Variants in CABIN1 observed in about 807,000 individuals in gnomAD.
CABIN1 encodes calcineurin binding protein 1.
A neutral mutation model predicts 227.7 loss-of-function variants in CABIN1; 133 were observed. That is an observed-to-expected ratio of 0.58 (90% CI 0.51 to 0.67). The LOEUF is 0.67. CABIN1 is among the 30% of genes least tolerant of loss of function. The probability of loss-of-function intolerance (pLI) is 0.00; values close to 1 mark genes in which losing one functional copy is unlikely to be tolerated. For synonymous variants in CABIN1, 1,086 were observed against 1,155.1 expected (o/e 0.94, Z 1.21); for missense variants, 2,408 against 2,852.5 (o/e 0.84, Z 3.55).
intron 15 of CABIN1, among the ~76,000 whole-genome samples, chr22:24,064,517 T>TTG (rs1555924899): frequency 1.3e-5 from 2 of 148,816 alleles, no homozygotes; most frequent in African/African-American, 5.0e-5. Flanking sequence ...GAAAGGTTTT[T>TTG]TTTTTTTTTT....
At chr22:24,039,972 C>T (rs1468812258) in intron 4 of CABIN1, among the ~76,000 whole-genome samples, 2 of 152,212 alleles carry the variant, frequency 1.3e-5, no homozygotes, top group African/African-American at 2.4e-5. Flanking sequence ...GGGACTTGCT[C>T]GGGCAAGCCT....
At chr22:24,023,405 G>A (rs527333632) in intron 1 of CABIN1, among the ~76,000 whole-genome samples, 9 of 152,286 alleles carry the variant, frequency 5.9e-5, no homozygotes, top group African/African-American at 1.9e-4. Flanking sequence ...AAACCTGAGT[G>A]GAATTGCTGG....
chr22:24,078,894 T>C (rs2040615621), intron 19 of CABIN1, among the ~76,000 whole-genome samples: 1 of 152,256 alleles, frequency 6.6e-6, no homozygotes, highest in Non-Finnish European at 1.5e-5. Context: ...TACCTAATTA[T>C]GTATCTGTAT....
intron 17 of CABIN1, among the ~76,000 whole-genome samples, chr22:24,071,503 C>T (rs572639844): frequency 6.6e-6 from 1 of 152,160 alleles, no homozygotes; most frequent in Non-Finnish European, 1.5e-5. Context: ...GGGCTCTCTC[C>T]TCAATTCCCG....
rs201400701 is a variant in CABIN1 at position 24,119,614 on chromosome 22, C to T, written c.4548C>T (p.Phe1516=). 6.2e-7 allele frequency: 1 copy of T among 1,613,764 alleles called. No homozygotes were observed. Among genetic ancestry groups the T allele is most frequent in the Non-Finnish European group, 8.5e-7 (1 of 1,179,916 alleles). Residue 1516 remains phenylalanine, a synonymous_variant, in exon 28 of 37, where the codon TTC becomes TTT. Transcript: ENST00000263119. ...TCACAGAGCAGTGCATCGCCTCCTTCCGCCTGTGCCTGAGCCGCTTCCCCC... is the reference window on the plus strand; with the variant it reads ...TCACAGAGCAGTGCATCGCCTCCTTTCGCCTGTGCCTGAGCCGCTTCCCCC... ...QFLTEQCIAS[F]RLCLSRFPQH... is the part of the protein sequence containing the mutation.
chr22:24,091,983 C>A, intron 24 of CABIN1, 140 bp downstream of exon 24: 1 of 954,310 alleles, frequency 1.0e-6, no homozygotes, highest in Non-Finnish European at 1.6e-6. Flanking sequence ...GCTTCATGTG[C>A]AATTGAATTA....
In CABIN1 at chr22:24,177,606, C is replaced by A; in HGVS notation, c.6308C>A (p.Ala2103Asp). Residue 2103 changes from alanine (A) to aspartate (D), a missense_variant, in exon 36 of 37, where the codon GCC becomes GAC. By Grantham distance (126) the Ala-to-Asp change is moderately radical (BLOSUM62 -2). Transcript: ENST00000263119. The surrounding 1 kb of genome is among the most constrained non-coding windows in gnomAD (Gnocchi z 4.4). ...SSPPTAASSKAPSSGSAQPPE... is the reference protein window; with the variant it reads ...SSPPTAASSKDPSSGSAQPPE... The stretch of plus-strand genomic sequence containing the variant: ...CCCCCAACAGCTGCCAGCTCCAAGG[C>A]CCCCAGCAGTGGGAGTGCCCAGCCA... 6.2e-7 allele frequency: 1 copy of A among 1,611,816 alleles called. No homozygotes were observed. Among genetic ancestry groups the A allele is most frequent in the Non-Finnish European group, 8.5e-7 (1 of 1,178,720 alleles).
chr22:24,144,438 C>T (rs186758379), intron 29 of CABIN1, among the ~76,000 whole-genome samples: 34 of 152,342 alleles, frequency 2.2e-4, no homozygotes, highest in South Asian at 4.1e-4. Flanking sequence ...TGTCATCTTC[C>T]ACTAAGCCAT....
chr22:24,139,394 C>T (rs1008444445), intron 29 of CABIN1, among the ~76,000 whole-genome samples: 3 of 152,090 alleles, frequency 2.0e-5, no homozygotes, highest in African/African-American at 4.8e-5. Flanking sequence ...GGCGAAACCC[C>T]ATCTCTACTA....
intron 29 of CABIN1, among the ~76,000 whole-genome samples, chr22:24,149,500 A>G (rs1361370670): frequency 6.6e-6 from 1 of 152,248 alleles, no homozygotes; most frequent in Non-Finnish European, 1.5e-5. Flanking sequence ...CACTGAGGTC[A>G]GTGGGGGAGA....
At position 24,083,519 on chromosome 22, in the gene CABIN1, G is replaced by A. The variant is rs573098236; in HGVS notation, c.2910+130G>A. ...TTGCATCAGAAGGAGGAGAGAAGACGGTCTGATGAGTGTATCAAAGGACAA... is the reference window on the plus strand; with the variant it reads ...TTGCATCAGAAGGAGGAGAGAAGACAGTCTGATGAGTGTATCAAAGGACAA... On this transcript the variant is annotated intron_variant, in intron 20 of 36. Coordinates refer to ENST00000263119, the MANE Select transcript of CABIN1 (RefSeq NM_012295.4). The A allele has an allele frequency of 6.6e-5, 63 of 961,812 alleles. 2 individuals carry two copies. The highest frequency in any genetic ancestry group is 5.6e-4 in the African/African-American group (35 of 62,138). The allele number at this position is 961,812 out of a possible 1,614,324, so 59.6% of individuals were successfully genotyped here.
intron 18 of CABIN1, among the ~76,000 whole-genome samples, chr22:24,075,626 T>G (rs2040389179): frequency 6.6e-6 from 1 of 151,878 alleles, no homozygotes; most frequent in Non-Finnish European, 1.5e-5. Context: ...GCGCCTGTAG[T>G]CCCAGCTACT....
chr22:24,173,348 G>A (rs2046935883), intron 34 of CABIN1: 1 of 152,220 alleles, frequency 6.6e-6, no homozygotes, highest in Non-Finnish European at 1.5e-5. Context: ...GCAAGCAGGT[G>A]CTGATGTTTT....
At chr22:24,145,584 C>T (rs1260872317) in intron 29 of CABIN1, among the ~76,000 whole-genome samples, 1 of 152,142 alleles carries the variant, frequency 6.6e-6, no homozygotes, top group Non-Finnish European at 1.5e-5. Context: ...ACCTGGTGCT[C>T]AGCCCTGGCA....
intron 27 of CABIN1, among the ~76,000 whole-genome samples, chr22:24,118,967 C>G (rs562062913): frequency 1.3e-5 from 2 of 152,218 alleles, no homozygotes; most frequent in Admixed American, 6.5e-5. Flanking sequence ...TATGATACTT[C>G]GTGAACCCTG....
At position 24,176,276 on chromosome 22, in the gene CABIN1, G is replaced by T; in HGVS notation, c.6205+1G>T. On this transcript the variant is annotated splice_donor_variant, in intron 35 of 36. Transcript: ENST00000263119. LOFTEE classifies it high-confidence loss of function. ...GGCGCTGAGCCCACCTGCAGCCAGG[G>T]TAAGGCGAGTTGGGAGCAGCCCAGC... 1 of 1,596,900 alleles carries T rather than the reference G, an allele frequency of 6.3e-7. No individual in the cohort carries two copies. Among genetic ancestry groups the T allele is most frequent in the Non-Finnish European group, 8.5e-7 (1 of 1,174,174 alleles).
intron 25 of CABIN1, among the ~76,000 whole-genome samples, chr22:24,096,584 A>C (rs2041908276): frequency 6.6e-6 from 1 of 151,688 alleles, no homozygotes; most frequent in African/African-American, 2.4e-5. Context: ...GCCTGGACTG[A>C]CCCCAGTCTC....
intron 26 of CABIN1, among the ~76,000 whole-genome samples, chr22:24,102,672 G>T (rs554482148): frequency 2.6e-5 from 4 of 152,170 alleles, no homozygotes; most frequent in African/African-American, 9.7e-5. Flanking sequence ...GCCAAGATCC[G>T]AGGGGTGTGT....
chr22:24,092,296 C>G (rs898703684), intron 24 of CABIN1, among the ~76,000 whole-genome samples: 2 of 152,188 alleles, frequency 1.3e-5, no homozygotes, highest in African/African-American at 4.8e-5. Context: ...GAGCAGCCTG[C>G]TCTCTTGACC....
Sources: gnomAD v4.1 joint callset for allele counts (sites outside exome capture counted in the v4.1 genomes callset) on GRCh38, gnomAD v4.1.1 for gene constraint, Gnocchi (gnomAD v3.1) non-coding constraint, MANE v1.5 for transcripts, NCBI Gene and HGNC (gene_info 2026-07-23, HGNC 2026-07-21) for gene names.